Variants in METTL25 observed in about 807,000 individuals in gnomAD.
The protein encoded by METTL25 is methyltransferase like 25, also known as probable methyltransferase-like protein 25.
METTL25 carries 64 observed loss-of-function variants against 71.6 expected under a neutral mutation model. The ratio of observed to expected loss-of-function variants is 0.89; its 90% CI spans 0.73 to 1.10. The LOEUF is 1.10. Ranked by LOEUF, METTL25 falls within the 50% of genes least tolerant of loss-of-function variation. The probability of loss-of-function intolerance (pLI) is 0.00; values close to 1 mark genes in which losing one functional copy is unlikely to be tolerated. For synonymous variants in METTL25, 287 were observed against 250.3 expected, an observed-to-expected ratio of 1.15 and a Z score of -1.38; for missense variants, 807 against 707.0, an observed-to-expected ratio of 1.14 and a Z score of -1.60.
intron 1 of METTL25, among the ~76,000 whole-genome samples, chr12:82,385,300 A>T (rs923458348): frequency 6.6e-6 from 1 of 152,132 alleles, no homozygotes; most frequent in Non-Finnish European, 1.5e-5. Flanking sequence ...GTCAGGTAAC[A>T]TCACTATTTT....
intron 1 of METTL25, among the ~76,000 whole-genome samples, chr12:82,381,312 ATT>A (rs1416511802): frequency 6.6e-6 from 1 of 152,120 alleles, no homozygotes; most frequent in East Asian, 1.9e-4. Flanking sequence ...ATTTAATTTC[ATT>A]TTTATAAGTA....
At chr12:82,363,731 T>A (rs199828590) in intron 1 of METTL25, among the ~76,000 whole-genome samples, 1 of 143,938 alleles carries the variant, frequency 6.9e-6, no homozygotes. Flanking sequence ...ACTAGATGTT[T>A]AAAAAAAAAA....
At chr12:82,457,262 G>A (rs1012958456) in intron 9 of METTL25, among the ~76,000 whole-genome samples, 1 of 151,594 alleles carries the variant, frequency 6.6e-6, no homozygotes, top group African/African-American at 2.4e-5. Context: ...GTTAGTAATT[G>A]ATAACATATT....
At chr12:82,414,204 T>C (rs1314721038) in intron 5 of METTL25, among the ~76,000 whole-genome samples, 1 of 152,130 alleles carries the variant, frequency 6.6e-6, no homozygotes, top group African/African-American at 2.4e-5. Flanking sequence ...AATATCACAT[T>C]ACTCCTCATT....
chr12:82,477,467 C>T (rs1051138956), intron 11 of METTL25, 115 bp downstream of exon 11: 1 of 479,520 alleles, frequency 2.1e-6, no homozygotes. Flanking sequence ...AAATTTTTCT[C>T]ATTATATTTT....
chr12:82,429,443 A>T (rs1281693361), intron 5 of METTL25, among the ~76,000 whole-genome samples: 1 of 150,030 alleles, frequency 6.7e-6, no homozygotes, highest in East Asian at 2.0e-4. Context: ...ACCTATATCT[A>T]TTCATCTGTT....
At chr12:82,376,357 A>G (rs1041173974) in intron 1 of METTL25, among the ~76,000 whole-genome samples, 18 of 152,198 alleles carry the variant, frequency 1.2e-4, no homozygotes, top group African/African-American at 3.4e-4. Flanking sequence ...AGTTTTGATA[A>G]TTCTCTGCAA....
chr12:82,400,652 A>G (rs958369545), intron 4 of METTL25, among the ~76,000 whole-genome samples: 4 of 152,170 alleles, frequency 2.6e-5, no homozygotes, highest in Admixed American at 6.5e-5. Flanking sequence ...CTGAAAATAT[A>G]TGATCAAAAC....
At chr12:82,449,919 A>T (rs1333907723) in intron 8 of METTL25, among the ~76,000 whole-genome samples, 2 of 152,090 alleles carry the variant, frequency 1.3e-5, no homozygotes, top group Non-Finnish European at 2.9e-5. Context: ...ATGTTTCAGT[A>T]AGATTTTATT....
At chr12:82,478,862 T>A in intron 11 of METTL25, 70 bp from the exon 12 acceptor site, 1 of 1,183,014 alleles carries the variant, frequency 8.5e-7, no homozygotes, top group Non-Finnish European at 1.2e-6. Context: ...TTACAATATA[T>A]AATCCAACTC....
At chr12:82,396,435 A>G (rs1451118527) in intron 3 of METTL25, among the ~76,000 whole-genome samples, 1 of 152,082 alleles carries the variant, frequency 6.6e-6, no homozygotes, top group Non-Finnish European at 1.5e-5. Context: ...ACGGTTATGC[A>G]TTACTGTAAG....
At chr12:82,434,633 G>T (rs1889776323) in intron 6 of METTL25, 62 bp from the exon 7 acceptor site, 2 of 1,244,534 alleles carry the variant, frequency 1.6e-6, no homozygotes, top group East Asian at 5.0e-5. Context: ...CTTATACAGT[G>T]TGTTTATAAA....
intron 6 of METTL25, 49 bp downstream of exon 6, chr12:82,431,036 G>A (rs1889454399): frequency 1.5e-6 from 2 of 1,303,494 alleles, no homozygotes; most frequent in Non-Finnish European, 2.2e-6. Context: ...AGATGTTGTA[G>A]AATTTATTAT....
In METTL25 at chr12:82,430,890, C is replaced by T; in HGVS notation, c.1280-3C>T. On this transcript the variant is annotated splice_polypyrimidine_tract_variant and splice_region_variant and intron_variant, in intron 5 of 11. Transcript: ENST00000248306. ...ATAATCCGTATTTTTCCCCCATCTGCAGAACGTACTCAGGAAAAGTGGGGA... is the reference window on the plus strand; with the variant it reads ...ATAATCCGTATTTTTCCCCCATCTGTAGAACGTACTCAGGAAAAGTGGGGA... The T allele has an allele frequency of 2.6e-6, 4 of 1,536,268 alleles. No individual in the cohort carries two copies. Among genetic ancestry groups the T allele is most frequent in the Non-Finnish European group, 3.6e-6 (4 of 1,119,670 alleles).
intron 1 of METTL25, among the ~76,000 whole-genome samples, chr12:82,372,899 G>A (rs1457969774): frequency 7.2e-5 from 11 of 152,200 alleles, no homozygotes; most frequent in African/African-American, 1.9e-4. Context: ...ACCTGCAACG[G>A]TCCCTGGACC....
intron 5 of METTL25, among the ~76,000 whole-genome samples, chr12:82,413,885 C>A (rs1887749176): frequency 6.6e-6 from 1 of 151,670 alleles, no homozygotes; most frequent in African/African-American, 2.4e-5. Flanking sequence ...TATACTTTTA[C>A]ATTTATACCA....
Position 82,398,824 on chromosome 12 carries a change from C to T in METTL25, c.561C>T (p.Tyr187=), listed in dbSNP as rs762911726. The T allele has an allele frequency of 1.3e-6, 2 of 1,568,356 alleles. No individual in the cohort carries two copies. The highest frequency in any genetic ancestry group is 2.3e-5 in the East Asian group (1 of 44,188). The part of the protein sequence containing the change: ...QVIDLGSGKG[Y]LSSFLSLKYG... ...TTGACTTGGGTTCCGGTAAAGGCTA[C>T]CTAAGCTCTTTTTTGTCCTTGAAGT... The change falls in exon 4 of 12, where the codon TAC becomes TAT. Residue 187 remains tyrosine (Y), a synonymous_variant. Coordinates refer to ENST00000248306, the MANE Select transcript of METTL25 (RefSeq NM_032230.3).
chr12:82,424,526 A>G (rs988015431), intron 5 of METTL25, among the ~76,000 whole-genome samples: 62 of 117,408 alleles, frequency 5.3e-4, no homozygotes, highest in African/African-American at 1.9e-3. Context: ...CTTAGAGCTT[A>G]AAGTATAATA....
chr12:82,467,486 C>T (rs1453610267), intron 9 of METTL25, among the ~76,000 whole-genome samples: 1 of 152,084 alleles, frequency 6.6e-6, no homozygotes, highest in Non-Finnish European at 1.5e-5. Context: ...TTAGTTTTTA[C>T]TTATCTGTGA....
Sources: gnomAD v4.1 joint callset for allele counts (sites outside exome capture counted in the v4.1 genomes callset) on GRCh38, gnomAD v4.1.1 for gene constraint, MANE v1.5 for transcripts, NCBI Gene and HGNC (gene_info 2026-07-23, HGNC 2026-07-21) for gene names.